The following EYA1 variants were observed in gnomAD, a reference collection of about 807,000 sequenced individuals.
EYA1 encodes the protein protein phosphatase EYA1.
EYA1 carries 16 observed loss-of-function variants against 82.0 expected under a neutral mutation model. The ratio of observed to expected loss-of-function variants is 0.20; its 90% CI spans 0.13 to 0.30. EYA1 has a LOEUF of 0.30. EYA1 is among the 10% of genes least tolerant of loss of function. EYA1 has a pLI of 1.00. For synonymous variants in EYA1, 261 were observed against 264.4 expected (o/e 0.99, Z 0.12); for missense variants, 633 against 730.7 (o/e 0.87, Z 1.54).
chr8:71,322,541 C>A, intron 4 of EYA1: 1 of 447,716 alleles, frequency 2.2e-6, no homozygotes, highest in South Asian at 2.2e-5. Flanking sequence ...TGCTGGCATG[C>A]TGTGAGTTTT....
rs140386191 is a variant in EYA1, at chr8:71,373,029, T to C, written c.34-16518A>G. On this transcript the variant is annotated intron_variant, in intron 2 of 18. Transcript: ENST00000643681. ...AAAAGGTCTACAGCTAACATCATAA[T>C]CGATGAAGGAAACCTAAAGGCTTTT... is the stretch of plus-strand genomic sequence containing the variant. Among the ~76,000 whole-genome samples, 628 of 152,202 alleles carry C rather than the reference T, an allele frequency of 4.1e-3. 4 individuals carry two copies. The highest frequency in any genetic ancestry group is 0.014 in the African/African-American group (592 of 41,558).
In EYA1 at chr8:71,264,567, G is replaced by A. The variant is rs965223958; in HGVS notation, c.1050+5173C>T. Among the ~76,000 whole-genome samples, 7 of 145,814 alleles carry A rather than the reference G, an allele frequency of 4.8e-5. No individual in the cohort carries two copies. The South Asian group carries it at 8.5e-4, about 18-fold the overall frequency. The stretch of plus-strand genomic sequence containing the variant: ...ACTCTGTGCATGGACTTTTACATTC[G>A]TGAGCAATTCAATTTTTTTTTTTTT... On this transcript the variant is annotated intron_variant, in intron 11 of 17. Coordinates refer to ENST00000340726, the MANE Select transcript of EYA1 (RefSeq NM_000503.6).
At chr8:71,378,845 C>T (rs927454515) in intron 2 of EYA1, among the ~76,000 whole-genome samples, 3 of 152,068 alleles carry the variant, frequency 2.0e-5, no homozygotes, top group Middle Eastern at 3.2e-3. Flanking sequence ...AAAGAAGACT[C>T]AATCCATTAA....
intron 9 of EYA1, among the ~76,000 whole-genome samples, chr8:71,283,184 A>G (rs1818012461): frequency 6.6e-6 from 1 of 152,038 alleles, no homozygotes; most frequent in South Asian, 2.1e-4. Flanking sequence ...GCTCTTGCTG[A>G]ATCCAAAAAG....
At chr8:71,535,761 C>A in exon 2 of EYA1, 1 of 1,520,606 alleles carries the variant, frequency 6.6e-7, no homozygotes, top group Admixed American at 2.0e-5. Flanking sequence ...CCATTTATCC[C>A]CCGGGGGTCT....
intron 2 of EYA1, among the ~76,000 whole-genome samples, chr8:71,441,059 G>A (rs1485277349): frequency 6.6e-6 from 1 of 152,088 alleles, no homozygotes; most frequent in African/African-American, 2.4e-5. Context: ...CCAAGTATAT[G>A]TGCACAAAGG....
chr8:71,419,473 T>G (rs1046792771), intron 2 of EYA1, among the ~76,000 whole-genome samples: 2 of 152,296 alleles, frequency 1.3e-5, no homozygotes, highest in Non-Finnish European at 1.5e-5. Context: ...CATTTCCCCT[T>G]TGAGACACTC....
chr8:71,302,429 A>G (rs7001630), intron 7 of EYA1, among the ~76,000 whole-genome samples: 26,479 of 152,068 alleles, frequency 0.17, 2,371 homozygotes, highest in Admixed American at 0.24. Context: ...CACCCAAGTG[A>G]CTTTCCAGAC....
intron 2 of EYA1, among the ~76,000 whole-genome samples, chr8:71,393,230 G>A (rs1829379666): frequency 6.6e-6 from 1 of 151,820 alleles, no homozygotes; most frequent in Admixed American, 6.6e-5. Flanking sequence ...ATTGTCATGG[G>A]GAGTGAAGGA....
chr8:71,486,468 T>G (rs1474719419), intron 2 of EYA1, among the ~76,000 whole-genome samples: 1 of 152,206 alleles, frequency 6.6e-6, no homozygotes, highest in African/African-American at 2.4e-5. Flanking sequence ...GAAAAGAACC[T>G]GGGGGTCCTT....
rs532161337 is a variant in EYA1 at position 71,455,844 on chromosome 8, C to T, written c.33+79900G>A. Among the ~76,000 whole-genome samples the T allele has an allele frequency of 3.9e-5, 6 of 152,216 alleles. No individual in the cohort carries two copies. The East Asian group carries it at 7.7e-4, about 20-fold the overall frequency. ...TGGAAGCATTCCCTTTGAAAACTGG[C>T]ACAAGACAGGGATGCCCTGTCTCAC... On this transcript the variant is annotated intron_variant, in intron 2 of 18. Transcript: ENST00000643681.
intron 9 of EYA1, among the ~76,000 whole-genome samples, chr8:71,283,403 A>G (rs1818035568): frequency 6.6e-6 from 1 of 152,146 alleles, no homozygotes; most frequent in African/African-American, 2.4e-5. Context: ...GATGCATTTT[A>G]TATGTACTTA....
intron 2 of EYA1, among the ~76,000 whole-genome samples, chr8:71,493,856 T>C (rs1396057585): frequency 3.4e-5 from 5 of 148,014 alleles, no homozygotes; most frequent in Non-Finnish European, 7.5e-5. Context: ...ACCCCGTCTC[T>C]ACTAAAAATA....
chr8:71,317,448 A>G, intron 7 of EYA1, 104 bp downstream of exon 7: 1 of 1,229,248 alleles, frequency 8.1e-7, no homozygotes, highest in Non-Finnish European at 1.2e-6. Context: ...AGCCCAATCC[A>G]GTTGCCATCA....
intron 12 of EYA1, among the ~76,000 whole-genome samples, chr8:71,231,264 G>T (rs932419241): frequency 6.6e-6 from 1 of 152,122 alleles, no homozygotes; most frequent in African/African-American, 2.4e-5. Context: ...TCATCTCCTT[G>T]GTAGTGCTAT....
chr8:71,484,155 T>C (rs1810385191), intron 2 of EYA1, among the ~76,000 whole-genome samples: 1 of 152,124 alleles, frequency 6.6e-6, no homozygotes, highest in Admixed American at 6.5e-5. Context: ...CCTGTGCCCA[T>C]CCCTGCAGGG....
chr8:71,215,272 A>G lies in EYA1; in HGVS notation c.1597+115T>C, dbSNP rs575099387. 7.9e-4 allele frequency: 686 copies of G among 866,940 alleles called. 1 individual carries two copies. The highest frequency in any genetic ancestry group is 1.1e-3 in the Non-Finnish European group (619 of 566,478). 53.7% of individuals were successfully genotyped at this position (866,940 alleles called of 1,614,324 possible). ...TGCAAATTGGTTAAATTATTCTTGT[A>G]TTTTTTTTTTGACCTATGTAGCATT... is the stretch of plus-strand genomic sequence containing the variant. On this transcript the variant is annotated intron_variant, in intron 16 of 17. Coordinates refer to ENST00000340726, the MANE Select transcript of EYA1 (RefSeq NM_000503.6).
intron 2 of EYA1, among the ~76,000 whole-genome samples, chr8:71,511,997 T>C (rs1812631768): frequency 6.7e-6 from 1 of 148,506 alleles, no homozygotes; most frequent in Admixed American, 6.9e-5. Flanking sequence ...AGGCCATATT[T>C]CCTGGCTATT....
chr8:71,237,855 T>C lies in EYA1; in HGVS notation c.1140+6748A>G, dbSNP rs574389064. On this transcript the variant is annotated intron_variant, in intron 12 of 17. Transcript: ENST00000340726. ...AAATTAACTTTTTATTAAACAAATA[T>C]TACAGCTCAATGAATTTCTATAAAC... 2.7e-3 allele frequency among the ~76,000 whole-genome samples: 407 copies of C among 152,262 alleles called. 1 individual carries two copies. Among genetic ancestry groups the C allele is most frequent in the South Asian group, 8.5e-3 (41 of 4,820 alleles).
Sources: gnomAD v4.1 joint callset for allele counts (sites outside exome capture counted in the v4.1 genomes callset) on GRCh38, gnomAD v4.1.1 for gene constraint, MANE v1.5 for transcripts, NCBI Gene and HGNC (gene_info 2026-07-23, HGNC 2026-07-21) for gene names.